Variants in CADPS2 observed in about 807,000 individuals in gnomAD.
CADPS2 encodes the protein calcium dependent secretion activator 2.
Under a neutral mutation model 172.5 loss-of-function variants are expected in CADPS2, and 93 were observed. The observed-to-expected ratio is 0.54, with a 90% CI of 0.46 to 0.64. The LOEUF (loss-of-function observed/expected upper bound fraction) is 0.64, where lower values mean the gene tolerates loss of function less well. CADPS2 is among the 30% of genes least tolerant of loss of function. The pLI is 0.00. For missense variants in CADPS2, 1,420 were observed against 1,565.9 expected (o/e 0.91, Z 1.57); for synonymous variants, 546 against 555.2 (o/e 0.98, Z 0.23).
chr7:122,641,465 G>A (rs2077635607), intron 3 of CADPS2, among the ~76,000 whole-genome samples: 1 of 152,132 alleles, frequency 6.6e-6, no homozygotes, highest in Admixed American at 6.5e-5. Context: ...ATTTTGTAGA[G>A]ATGCATATTT....
rs928499096 is a variant in CADPS2 at position 122,784,712 on chromosome 7, T to A, written c.340-47644A>T. Among the ~76,000 whole-genome samples the A allele has an allele frequency of 2.6e-5, 4 of 152,154 alleles. No homozygotes were observed. The East Asian group carries it at 7.7e-4, about 29-fold the overall frequency. The stretch of plus-strand genomic sequence containing the variant: ...CTTCATCCTTTTCTTAAGGTAACTT[T>A]AGTATTTTTTTTTTCTGGAGCCATC... On this transcript the variant is annotated intron_variant, in intron 1 of 29. Coordinates refer to ENST00000449022, the MANE Select transcript of CADPS2 (RefSeq NM_017954.11).
At chr7:122,874,817 C>T (rs1431719342) in intron 1 of CADPS2, among the ~76,000 whole-genome samples, 1 of 152,134 alleles carries the variant, frequency 6.6e-6, no homozygotes, top group East Asian at 1.9e-4. Context: ...GTTGGGAAAA[C>T]TGGCTAGCCA....
chr7:122,775,126 A>T (rs2093835582), intron 1 of CADPS2, among the ~76,000 whole-genome samples: 2 of 152,184 alleles, frequency 1.3e-5, no homozygotes, highest in South Asian at 4.1e-4. Context: ...AATTATATTC[A>T]TTCTGGGTAC....
intron 25 of CADPS2, among the ~76,000 whole-genome samples, chr7:122,363,330 G>A (rs541597455): frequency 2.0e-4 from 30 of 152,320 alleles, no homozygotes; most frequent in Non-Finnish European, 3.5e-4. Context: ...TAGACAGCTT[G>A]AACCATGGAG....
At chr7:122,692,142 G>C (rs914274299) in intron 2 of CADPS2, among the ~76,000 whole-genome samples, 7 of 152,240 alleles carry the variant, frequency 4.6e-5, no homozygotes, top group Non-Finnish European at 1.0e-4. Context: ...GGCAGGACCA[G>C]GTTGTACACC....
At chr7:122,407,720 G>A in intron 19 of CADPS2, 24 bp from the exon 20 acceptor site, 1 of 1,584,854 alleles carries the variant, frequency 6.3e-7, no homozygotes, top group Non-Finnish European at 8.6e-7. Flanking sequence ...AAAACATAAA[G>A]GAGAAAAGTA....
chr7:122,318,898 C>T lies in CADPS2; in HGVS notation c.*1267G>A, dbSNP rs2031824963. 6.6e-6 allele frequency: 1 copy of T among 152,178 alleles called. No individual in the cohort carries two copies. The highest frequency in any genetic ancestry group is 2.1e-4 in the South Asian group (1 of 4,826). 9.4% of individuals were successfully genotyped at this position (152,178 alleles called of 1,614,324 possible). A position where few individuals can be genotyped will look rare whatever the true frequency, so the allele number is the denominator to read the frequency against. On this transcript the variant is annotated 3_prime_UTR_variant, in exon 30 of 30. Transcript: ENST00000449022. ...AAATGCAGGGATACCTCCACTTATT[C>T]TGCATTAACTGCCTTCATTTAAAAA... is the stretch of plus-strand genomic sequence containing the variant.
chr7:122,791,789 A>G (rs1795343003), intron 1 of CADPS2, among the ~76,000 whole-genome samples: 1 of 152,234 alleles, frequency 6.6e-6, no homozygotes. Context: ...ATCAGAAATT[A>G]CCAATAAAAA....
At chr7:122,783,199 A>C (rs1793205460) in intron 1 of CADPS2, among the ~76,000 whole-genome samples, 1 of 151,774 alleles carries the variant, frequency 6.6e-6, no homozygotes, top group South Asian at 2.1e-4. Context: ...TCTCAAAAAA[A>C]AAAAAAAACA....
chr7:122,615,283 A>G lies in CADPS2; in HGVS notation c.1121T>C (p.Val374Ala). Residue 374 changes from valine to alanine, a missense_variant, in exon 6 of 30, where the codon GTG (valine) becomes GCG (alanine). Val to Ala is a moderately conservative substitution (Grantham distance 64, BLOSUM62 0). Coordinates refer to ENST00000449022, the MANE Select transcript of CADPS2 (RefSeq NM_017954.11). ...SFTLEIVIMEVQGLKSVAPNR... is the reference protein window; with the variant it reads ...SFTLEIVIMEAQGLKSVAPNR... ...GGGAGCAACTGACTTCAGGCCTTGC[A>G]CTTCCATTATGACAATCTAAAGATA... The G allele has an allele frequency of 6.5e-7, 1 of 1,545,526 alleles. No individual in the cohort carries two copies. The highest frequency in any genetic ancestry group is 8.8e-7 in the Non-Finnish European group (1 of 1,140,978).
At chr7:122,827,576 G>A (rs1003183755) in intron 1 of CADPS2, among the ~76,000 whole-genome samples, 4 of 151,150 alleles carry the variant, frequency 2.6e-5, no homozygotes, top group African/African-American at 9.8e-5. Flanking sequence ...AGGTTCTGGT[G>A]AGCCAAGATC....
intron 15 of CADPS2, among the ~76,000 whole-genome samples, chr7:122,446,495 A>G (rs78720439): frequency 0.025 from 3,839 of 152,138 alleles, 147 homozygotes; most frequent in African/African-American, 0.088. Context: ...AGATTATAGT[A>G]CTCTACTGAT....
At position 122,733,796 on chromosome 7, in the gene CADPS2, A is replaced by G. The variant is rs1340214622; in HGVS notation, c.453+3159T>C. On this transcript the variant is annotated intron_variant, in intron 2 of 29. Coordinates refer to ENST00000449022, the MANE Select transcript of CADPS2 (RefSeq NM_017954.11). ...AAGCAAGTTTGAATCCTTTATTTGC[A>G]TAAGTGGACCTGACTGGGAACCTAG... Among the ~76,000 whole-genome samples, 4 of 152,140 alleles carry G rather than the reference A, an allele frequency of 2.6e-5. No homozygotes were observed. The East Asian group carries it at 7.7e-4, about 29-fold the overall frequency.
At chr7:122,551,984 G>A (rs2131926825) in intron 8 of CADPS2, among the ~76,000 whole-genome samples, 1 of 152,206 alleles carries the variant, frequency 6.6e-6, no homozygotes, top group South Asian at 2.1e-4. Flanking sequence ...TAGGTGAAAT[G>A]TTTGCCAATA....
At chr7:122,681,730 A>AAAT (rs1035754148) in intron 2 of CADPS2, 24 of 581,988 alleles carry the variant, frequency 4.1e-5, no homozygotes, top group Admixed American at 6.5e-5. Flanking sequence ...AATTGTAAAA[A>AAAT]AATAATAATA....
intron 1 of CADPS2, among the ~76,000 whole-genome samples, chr7:122,813,606 T>C (rs1180642180): frequency 2.0e-5 from 3 of 152,220 alleles, no homozygotes; most frequent in Middle Eastern, 3.4e-3. Context: ...TATTATCAAG[T>C]TGGACTTAAG....
intron 8 of CADPS2, among the ~76,000 whole-genome samples, chr7:122,549,240 T>C (rs375072040): frequency 2.7e-4 from 41 of 152,190 alleles, no homozygotes; most frequent in African/African-American, 9.1e-4. Flanking sequence ...CTACCCTGTC[T>C]CTAATACAAA....
chr7:122,775,895 T>A (rs1341280081), intron 1 of CADPS2, among the ~76,000 whole-genome samples: 1 of 152,234 alleles, frequency 6.6e-6, no homozygotes, highest in East Asian at 1.9e-4. Context: ...CAATGTCTGC[T>A]GTGATTCCTT....
At chr7:122,474,349 A>G (rs1331269181) in intron 13 of CADPS2, 32 bp downstream of exon 13, 2 of 1,597,948 alleles carry the variant, frequency 1.3e-6, no homozygotes, top group South Asian at 2.3e-5. Context: ...TTTTATTCCA[A>G]CTTATAGGGG....
Sources: gnomAD v4.1 joint callset for allele counts (sites outside exome capture counted in the v4.1 genomes callset) on GRCh38, gnomAD v4.1.1 for gene constraint, MANE v1.5 for transcripts, NCBI Gene and HGNC (gene_info 2026-07-23, HGNC 2026-07-21) for gene names.